CCSER1: variants seen among roughly 807,000 people sequenced by gnomAD.
CCSER1 encodes coiled-coil serine rich protein 1, also known as serine-rich coiled-coil domain-containing protein 1.
A neutral mutation model predicts 82.0 loss-of-function variants in CCSER1; 41 were observed. The observed-to-expected ratio is 0.50, with a 90% CI of 0.39 to 0.65. The LOEUF (loss-of-function observed/expected upper bound fraction) is 0.65. Among genes scored for constraint, CCSER1 ranks in the 30% least tolerant of loss-of-function variants. The probability of loss-of-function intolerance (pLI) is 0.00; values close to 1 mark genes in which losing one functional copy is unlikely to be tolerated. For missense variants in CCSER1, 1,119 were observed against 1,064.2 expected (o/e 1.05, Z -0.72); for synonymous variants, 414 against 383.9 (o/e 1.08, Z -0.92).
intron 6 of CCSER1, among the ~76,000 whole-genome samples, chr4:90,644,908 C>A (rs1310369955): frequency 6.7e-6 from 1 of 149,392 alleles, no homozygotes; most frequent in East Asian, 2.0e-4. Flanking sequence ...ATGATGAAAC[C>A]CCATCTCCAC....
At chr4:90,566,237 G>C (rs1389555289) in intron 5 of CCSER1, among the ~76,000 whole-genome samples, 1 of 152,014 alleles carries the variant, frequency 6.6e-6, no homozygotes, top group East Asian at 1.9e-4. Flanking sequence ...GTCCATCAGA[G>C]ATATTGGTCT....
At chr4:90,238,136 T>TA (rs1199884782) in intron 1 of CCSER1, among the ~76,000 whole-genome samples, 4 of 152,166 alleles carry the variant, frequency 2.6e-5, no homozygotes, top group African/African-American at 4.8e-5. Context: ...ACATTGTTTG[T>TA]AAAAAAATGA....
intron 10 of CCSER1, among the ~76,000 whole-genome samples, chr4:91,461,567 A>C (rs1261795758): frequency 6.6e-6 from 1 of 152,184 alleles, no homozygotes; most frequent in Admixed American, 6.5e-5. Flanking sequence ...CTGTGGTATT[A>C]AGGTTCCTGA....
At position 91,586,418 on chromosome 4, in the gene CCSER1, G is replaced by A. The variant is rs142117074; in HGVS notation, c.2218-12154G>A. On this transcript the variant is annotated intron_variant, in intron 10 of 10. Transcript: ENST00000509176. The stretch of plus-strand genomic sequence containing the variant: ...TGGACCATGCCATCAAGACCCAAGC[G>A]TTTAGTTGGAAAAGTGCCCAGCAAA... 4.2e-3 allele frequency among the ~76,000 whole-genome samples: 642 copies of A among 151,676 alleles called. 6 individuals carry two copies. Among genetic ancestry groups the A allele is most frequent in the African/African-American group, 0.015 (603 of 41,472 alleles).
At chr4:90,141,991 T>G (rs903055005) in intron 1 of CCSER1, among the ~76,000 whole-genome samples, 2 of 152,242 alleles carry the variant, frequency 1.3e-5, no homozygotes, top group Non-Finnish European at 2.9e-5. Context: ...ACAAGTGGAC[T>G]GTCACGTTTT....
intron 3 of CCSER1, among the ~76,000 whole-genome samples, chr4:90,372,147 T>C (rs757685963): frequency 2.0e-5 from 3 of 152,090 alleles, no homozygotes. Flanking sequence ...GTTTCTGCCA[T>C]CAGGGAGCTC....
rs147426828 is a variant in CCSER1, at chr4:90,128,494, C to CGTGTGTGTGTGTGT, written c.-42+673_-42+686dup. On this transcript the variant is annotated intron_variant, in intron 1 of 10. Transcript: ENST00000509176. Reference sequence around the variant, plus strand: ...AGCGTCAAGGGCCCCAGGTTGTGTGCGTGTGTGTGTGTGTGTGTGTGTGCG... The same window carrying CGTGTGTGTGTGTGT: ...AGCGTCAAGGGCCCCAGGTTGTGTGCGTGTGTGTGTGTGTGTGTGTGTGTGTGTGTGTGTGTGCG... 2.0e-5 allele frequency among the ~76,000 whole-genome samples: 3 copies of CGTGTGTGTGTGTGT among 149,954 alleles called. No homozygotes were observed. The South Asian group carries it at 6.3e-4, about 32-fold the overall frequency.
chr4:90,943,729 A>AT (rs70965460), intron 9 of CCSER1, among the ~76,000 whole-genome samples: 2,865 of 68,798 alleles, frequency 0.042, 224 homozygotes, highest in African/African-American at 0.048. Context: ...TGCCAGGCTA[A>AT]TTTTTTTTTT....
At chr4:91,510,579 G>A (rs1759761691) in intron 10 of CCSER1, among the ~76,000 whole-genome samples, 1 of 152,088 alleles carries the variant, frequency 6.6e-6, no homozygotes, top group Non-Finnish European at 1.5e-5. Flanking sequence ...CTCTGATGAC[G>A]AGTGATGTTG....
At chr4:90,595,576 G>T (rs1783229811) in intron 5 of CCSER1, among the ~76,000 whole-genome samples, 2 of 151,904 alleles carry the variant, frequency 1.3e-5, no homozygotes, top group South Asian at 4.1e-4. Context: ...AATATAGAAA[G>T]TATGAACATG....
intron 10 of CCSER1, among the ~76,000 whole-genome samples, chr4:91,121,478 C>T (rs902873403): frequency 6.6e-6 from 1 of 151,350 alleles, no homozygotes; most frequent in African/African-American, 2.4e-5. Flanking sequence ...AGTGTATGGC[C>T]GTTAATTAGT....
At chr4:90,913,437 A>G (rs1274087144) in intron 8 of CCSER1, among the ~76,000 whole-genome samples, 1 of 152,188 alleles carries the variant, frequency 6.6e-6, no homozygotes, top group Non-Finnish European at 1.5e-5. Flanking sequence ...AGACAAGCAA[A>G]TGCTGAGAGA....
At chr4:91,088,277 G>C (rs1264826826) in intron 10 of CCSER1, among the ~76,000 whole-genome samples, 1 of 152,052 alleles carries the variant, frequency 6.6e-6, no homozygotes, top group Admixed American at 6.6e-5. Flanking sequence ...GGTGTTGATG[G>C]ATGCAATATC....
At chr4:91,509,722 C>T (rs1011773402) in intron 10 of CCSER1, among the ~76,000 whole-genome samples, 2 of 151,876 alleles carry the variant, frequency 1.3e-5, no homozygotes, top group African/African-American at 4.8e-5. Context: ...GTTTTTTTGT[C>T]TAATATTAAC....
intron 7 of CCSER1, among the ~76,000 whole-genome samples, chr4:90,790,065 ATATCTGTAG>A (rs1755030191): frequency 6.6e-6 from 1 of 152,070 alleles, no homozygotes; most frequent in South Asian, 2.1e-4. Flanking sequence ...TACTCCACCC[ATATCTGTAG>A]AGTCCATCTT....
chr4:90,383,377 A>G (rs896406604), intron 3 of CCSER1, among the ~76,000 whole-genome samples: 2 of 152,334 alleles, frequency 1.3e-5, no homozygotes, highest in South Asian at 4.1e-4. Flanking sequence ...TACAGCAAAA[A>G]GAATCACAGG....
chr4:90,772,405 T>G (rs1409737860), intron 7 of CCSER1, among the ~76,000 whole-genome samples: 1 of 152,148 alleles, frequency 6.6e-6, no homozygotes, highest in East Asian at 1.9e-4. Flanking sequence ...TTTATACTCA[T>G]TATTTATTGA....
At chr4:90,464,533 G>C (rs893293528) in intron 4 of CCSER1, among the ~76,000 whole-genome samples, 1 of 152,144 alleles carries the variant, frequency 6.6e-6, no homozygotes, top group Non-Finnish European at 1.5e-5. Context: ...TATTTTCCAG[G>C]TATCCTTGCT....
intron 4 of CCSER1, among the ~76,000 whole-genome samples, chr4:90,442,778 C>T (rs1190922973): frequency 6.6e-6 from 1 of 152,088 alleles, no homozygotes; most frequent in Non-Finnish European, 1.5e-5. Context: ...TTTCCAGAAG[C>T]AAACAGTGAA....
Sources: gnomAD v4.1 joint callset for allele counts (sites outside exome capture counted in the v4.1 genomes callset) on GRCh38, gnomAD v4.1.1 for gene constraint, MANE v1.5 for transcripts, NCBI Gene and HGNC (gene_info 2026-07-23, HGNC 2026-07-21) for gene names.